Variants in ANKRD55 observed in about 807,000 individuals in gnomAD.
ANKRD55 encodes ankyrin repeat domain 55.
In ANKRD55, 41 loss-of-function variants were observed where a neutral mutation model predicts 60.6. The ratio of observed to expected loss-of-function variants is 0.68; its 90% CI spans 0.53 to 0.88. ANKRD55 has a LOEUF of 0.88. Ranked by LOEUF, ANKRD55 falls within the 40% of genes least tolerant of loss-of-function variation. The probability of loss-of-function intolerance (pLI) is 0.00; values close to 1 mark genes in which losing one functional copy is unlikely to be tolerated. For synonymous variants in ANKRD55, 264 were observed against 290.3 expected, an observed-to-expected ratio of 0.91 and a Z score of 0.92; for missense variants, 732 against 767.6, an observed-to-expected ratio of 0.95 and a Z score of 0.55.
At chr5:56,221,941 G>C (rs1759976658) in intron 2 of ANKRD55, among the ~76,000 whole-genome samples, 1 of 152,226 alleles carries the variant, frequency 6.6e-6, no homozygotes, top group Non-Finnish European at 1.5e-5. Context: ...TGAACAAAAG[G>C]CAGCAGAAAC....
intron 2 of ANKRD55, among the ~76,000 whole-genome samples, chr5:56,221,463 A>G (rs971852036): frequency 6.6e-6 from 1 of 152,216 alleles, no homozygotes; most frequent in African/African-American, 2.4e-5. Flanking sequence ...CTGAGGTACC[A>G]GGTTCATCTC....
chr5:56,118,416 G>A (rs1319436320), intron 8 of ANKRD55, among the ~76,000 whole-genome samples: 1 of 152,126 alleles, frequency 6.6e-6, no homozygotes, highest in African/African-American at 2.4e-5. Flanking sequence ...ACAAGGTCAG[G>A]AGATCGAGAC....
intron 6 of ANKRD55, among the ~76,000 whole-genome samples, chr5:56,157,395 C>G (rs1242686457): frequency 6.6e-6 from 1 of 152,132 alleles, no homozygotes; most frequent in Non-Finnish European, 1.5e-5. Flanking sequence ...AAGACCTGAC[C>G]GTCCACCAGC....
intron 3 of ANKRD55, among the ~76,000 whole-genome samples, chr5:56,179,617 C>T (rs1052522136): frequency 7.9e-5 from 12 of 152,128 alleles, no homozygotes; most frequent in Non-Finnish European, 1.8e-4. Flanking sequence ...CTTAAATGAT[C>T]CACTTTGCCA....
intron 6 of ANKRD55, among the ~76,000 whole-genome samples, chr5:56,153,209 C>T (rs1758098882): frequency 6.6e-6 from 1 of 151,846 alleles, no homozygotes; most frequent in Non-Finnish European, 1.5e-5. Flanking sequence ...AGGGAAAATG[C>T]AAATAACAAG....
rs1760071838 is a variant in ANKRD55 at position 56,225,052 on chromosome 5, A to G, written c.58+7804T>C. On this transcript the variant is annotated intron_variant, in intron 2 of 11. Transcript: ENST00000341048. ...CAAAAAAAGAGAATTTTAGACCAAT[A>G]TCCTTGATGAATATTGATGCAAAAA... Among the ~76,000 whole-genome samples, 3 of 152,356 alleles carry G rather than the reference A, an allele frequency of 2.0e-5. No homozygotes were observed. In the South Asian group the frequency reaches 6.2e-4, roughly 32 times the overall value.
chr5:56,195,449 A>G (rs1426197596), intron 2 of ANKRD55, among the ~76,000 whole-genome samples: 1 of 151,766 alleles, frequency 6.6e-6, no homozygotes, highest in Non-Finnish European at 1.5e-5. Flanking sequence ...TAGCTAAACA[A>G]TTTCTTTTTT....
At chr5:56,132,072 C>T (rs1757433976) in intron 7 of ANKRD55, among the ~76,000 whole-genome samples, 1 of 151,426 alleles carries the variant, frequency 6.6e-6, no homozygotes, top group Non-Finnish European at 1.5e-5. Context: ...AAATGAATGA[C>T]AGCAATCATA....
chr5:56,127,047 G>A lies in ANKRD55; in HGVS notation c.672C>T (p.Ile224=), dbSNP rs1338845985. ...ILSHHQGPSI[I]NYDDESGKTC... is the part of the protein sequence containing the mutation. ...TCTTCCCACTCTCATCATCATAGTT[G>A]ATTATGGACGGCCCCTGGTGATGGC... The change falls in exon 8 of 12, where the codon ATC becomes ATT. Residue 224 remains isoleucine (I), a synonymous_variant. Transcript: ENST00000341048. The A allele has an allele frequency of 1.2e-6, 2 of 1,613,714 alleles. No individual in the cohort carries two copies. Among genetic ancestry groups the A allele is most frequent in the Non-Finnish European group, 8.5e-7 (1 of 1,179,894 alleles).
rs116314246 is a variant in ANKRD55, at chr5:56,137,438, A to G, written c.612+6363T>C. 1,919 of 844,840 alleles carry G rather than the reference A, an allele frequency of 2.3e-3. 31 individuals carry two copies. The African/African-American group carries it at 0.029, about 13-fold the overall frequency. The allele number at this position is 844,840 out of a possible 1,614,324, so 52.3% of individuals were successfully genotyped here. A position where few individuals can be genotyped will look rare whatever the true frequency, so the allele number is the denominator to read the frequency against. On this transcript the variant is annotated intron_variant, in intron 7 of 11. Coordinates refer to ENST00000341048, the MANE Select transcript of ANKRD55 (RefSeq NM_024669.3). ...CTGAGATGATCCTTACTGAAAAGGA[A>G]CAAAATGTTCCTAAACCAGAAGAGG... is the stretch of plus-strand genomic sequence containing the variant.
At chr5:56,210,065 T>C (rs564130013) in intron 2 of ANKRD55, among the ~76,000 whole-genome samples, 2 of 152,214 alleles carry the variant, frequency 1.3e-5, no homozygotes, top group African/African-American at 4.8e-5. Flanking sequence ...TGGAGTGCCG[T>C]GGCACAATCT....
At chr5:56,208,256 T>C (rs2111868674) in intron 2 of ANKRD55, among the ~76,000 whole-genome samples, 1 of 151,880 alleles carries the variant, frequency 6.6e-6, no homozygotes, top group East Asian at 1.9e-4. Context: ...GAATACCTCC[T>C]GAGGGACCTT....
chr5:56,195,901 C>G (rs994743371), intron 2 of ANKRD55, among the ~76,000 whole-genome samples: 1 of 152,182 alleles, frequency 6.6e-6, no homozygotes, highest in Non-Finnish European at 1.5e-5. Context: ...ATGGTAGTAT[C>G]ATCTGCCAAA....
In ANKRD55 at chr5:56,170,821, C is replaced by A. The variant is rs1364747468; in HGVS notation, c.313-18G>T. 1 of 1,606,692 alleles carries A rather than the reference C, an allele frequency of 6.2e-7. No homozygotes were observed. Among genetic ancestry groups the A allele is most frequent in the Admixed American group, 1.7e-5 (1 of 59,906 alleles). On this transcript the variant is annotated intron_variant, in intron 4 of 11. Transcript: ENST00000341048. ...AGCCAGCCCTGAAATACAAGAGCAA[C>A]CACATCATTATATAACAGAAGCTCA...
chr5:56,162,389 T>C (rs1478788359), intron 5 of ANKRD55, among the ~76,000 whole-genome samples: 2 of 152,178 alleles, frequency 1.3e-5, no homozygotes, highest in Non-Finnish European at 2.9e-5. Flanking sequence ...CTTGGCTTCC[T>C]ATCGGGTTTT....
At chr5:56,202,627 G>T (rs146387549) in intron 2 of ANKRD55, among the ~76,000 whole-genome samples, 4 of 152,226 alleles carry the variant, frequency 2.6e-5, no homozygotes, top group Admixed American at 1.3e-4. Context: ...GAACAAACAT[G>T]CAAAGTGACC....
At chr5:56,169,482 A>G (rs1758558595) in intron 5 of ANKRD55, among the ~76,000 whole-genome samples, 1 of 145,912 alleles carries the variant, frequency 6.9e-6, no homozygotes, top group South Asian at 2.1e-4. Flanking sequence ...CACGATGTCT[A>G]TTGATTGTTA....
intron 5 of ANKRD55, among the ~76,000 whole-genome samples, chr5:56,167,493 T>C (rs1457143128): frequency 6.6e-6 from 1 of 152,256 alleles, no homozygotes; most frequent in East Asian, 1.9e-4. Context: ...TTGTTAGGAC[T>C]TAACCCAATT....
intron 7 of ANKRD55, among the ~76,000 whole-genome samples, chr5:56,139,965 A>C (rs912750305): frequency 6.6e-6 from 1 of 152,158 alleles, no homozygotes; most frequent in Non-Finnish European, 1.5e-5. Flanking sequence ...GCTACTAGGG[A>C]GGCCGAGTGG....
Sources: allele counts gnomAD v4.1 joint callset (sites outside exome capture counted in the v4.1 genomes callset), GRCh38; gene constraint gnomAD v4.1.1; transcripts MANE v1.5; gene names NCBI Gene and HGNC (gene_info 2026-07-23, HGNC 2026-07-21).